Variants in REPS1 observed in about 807,000 individuals in gnomAD.
REPS1 encodes ralBP1-associated Eps domain-containing protein 1.
In REPS1, 39 loss-of-function variants were observed where a neutral mutation model predicts 100.9. The observed-to-expected ratio is 0.39, with a 90% CI of 0.30 to 0.50. REPS1 has a LOEUF of 0.50. Ranked by LOEUF, REPS1 falls within the 20% of genes least tolerant of loss-of-function variation. REPS1 has a pLI of 0.86. For missense variants in REPS1, 821 were observed against 968.5 expected, an observed-to-expected ratio of 0.85 and a Z score of 2.02; for synonymous variants, 324 against 340.3, an observed-to-expected ratio of 0.95 and a Z score of 0.53.
Position 138,947,031 on chromosome 6 carries a change from C to CCTTGCTCT in REPS1, c.277+751_277+758dup, listed in dbSNP as rs1177893228. Among the ~76,000 whole-genome samples the CCTTGCTCT allele has an allele frequency of 3.8e-5, 4 of 104,008 alleles. No individual in the cohort carries two copies. In the South Asian group the frequency reaches 1.2e-3, roughly 31 times the overall value. 68.2% of individuals were successfully genotyped at this position (104,008 alleles called of 152,430 possible). On this transcript the variant is annotated intron_variant, in intron 2 of 19. Transcript: ENST00000450536. ...GGTTTAAATGTCTGTGGCTATTCCCCCTTGCTCTCTCTCTCTCTCTCTCTC... is the reference window on the plus strand; with the variant it reads ...GGTTTAAATGTCTGTGGCTATTCCCCCTTGCTCTCTTGCTCTCTCTCTCTCTCTCTCTC...
At chr6:138,913,645 T>C (rs1308855490) in intron 15 of REPS1, among the ~76,000 whole-genome samples, 2 of 152,170 alleles carry the variant, frequency 1.3e-5, no homozygotes, top group Non-Finnish European at 2.9e-5. Flanking sequence ...AAATCTGAAG[T>C]CTCTTCCCTT....
chr6:138,949,693 T>C (rs573314685), intron 1 of REPS1, among the ~76,000 whole-genome samples: 2 of 151,190 alleles, frequency 1.3e-5, no homozygotes, highest in South Asian at 2.1e-4. Context: ...GCCACTGCCC[T>C]CCAGACTGGG....
chr6:138,906,143 G>C (rs1254372877), intron 19 of REPS1, among the ~76,000 whole-genome samples: 1 of 152,144 alleles, frequency 6.6e-6, no homozygotes. Flanking sequence ...TACTAAGCTT[G>C]TCTTTAAGTT....
chr6:138,948,968 G>C (rs568073669), intron 1 of REPS1, among the ~76,000 whole-genome samples: 4 of 152,140 alleles, frequency 2.6e-5, no homozygotes, highest in Non-Finnish European at 5.9e-5. Context: ...CTGCCACTAA[G>C]GAGCATGTCC....
rs535360114 is a variant in REPS1, at chr6:138,941,616, C to T, written c.981-127G>A. 2.6e-5 allele frequency: 23 copies of T among 883,856 alleles called. 1 individual carries two copies. The highest frequency in any genetic ancestry group is 5.1e-5 in the South Asian group (3 of 58,740). 54.8% of individuals were successfully genotyped at this position (883,856 alleles called of 1,614,324 possible). A position where few individuals can be genotyped will look rare whatever the true frequency, so the allele number is the denominator to read the frequency against. On this transcript the variant is annotated intron_variant, in intron 7 of 19. Transcript: ENST00000450536. ...ACTCAGTAATTATAAAAATCCCATA[C>T]ACAGAAAGATGTGTAATATAGCAAA...
intron 17 of REPS1, among the ~76,000 whole-genome samples, chr6:138,910,465 C>T (rs375998283): frequency 2.6e-5 from 4 of 152,156 alleles, no homozygotes; most frequent in African/African-American, 9.6e-5. Flanking sequence ...GCGATCCCCC[C>T]ACTTCAGCCT....
At chr6:138,953,983 A>ATTTCTTGGTATATATAT (rs1783210574) in intron 1 of REPS1, among the ~76,000 whole-genome samples, 1 of 152,226 alleles carries the variant, frequency 6.6e-6, no homozygotes, top group Non-Finnish European at 1.5e-5. Flanking sequence ...AATGTGCTAT[A>ATTTCTTGGTATATATAT]TAATATATAC....
At chr6:138,987,000 T>TA (rs1785297193) in intron 1 of REPS1, among the ~76,000 whole-genome samples, 1 of 152,220 alleles carries the variant, frequency 6.6e-6, no homozygotes, top group Non-Finnish European at 1.5e-5. Flanking sequence ...TGCCTACTTG[T>TA]AAAACTACTA....
intron 9 of REPS1, chr6:138,927,016 AAATAT>A (rs1276682982): frequency 6.6e-6 from 1 of 152,412 alleles, no homozygotes; most frequent in Non-Finnish European, 1.5e-5. Context: ...ATATTTAATA[AAATAT>A]AATTGAGATA....
chr6:138,916,382 G>A (rs372880510), intron 13 of REPS1, among the ~76,000 whole-genome samples: 24 of 151,598 alleles, frequency 1.6e-4, no homozygotes, highest in East Asian at 1.6e-3. Context: ...TACCATGCCC[G>A]GCTAATTTTT....
At chr6:138,947,936 C>A (rs1182494152) in intron 1 of REPS1, 23 bp from the exon 2 acceptor site, 1 of 1,547,268 alleles carries the variant, frequency 6.5e-7, no homozygotes, top group Admixed American at 2.2e-5. Context: ...ATAATGTTAA[C>A]ATTAAGATTC....
chr6:138,905,729 G>A (rs921308746), intron 19 of REPS1, among the ~76,000 whole-genome samples: 2 of 152,186 alleles, frequency 1.3e-5, no homozygotes, highest in Non-Finnish European at 1.5e-5. Context: ...ATTAACACCT[G>A]AATTTTGCAA....
rs569679118 is a variant in REPS1 at position 138,968,766 on chromosome 6, C to T, written c.153+18764G>A. 2.5e-4 allele frequency among the ~76,000 whole-genome samples: 38 copies of T among 152,276 alleles called. 1 individual carries two copies. The South Asian group carries it at 7.9e-3, about 32-fold the overall frequency. ...AATTTCAGCCAAACACCACTGTCTG[C>T]TAAATGTGCTTACAGCCACATCAAG... On this transcript the variant is annotated intron_variant, in intron 1 of 19. Transcript: ENST00000450536.
chr6:138,959,606 T>C (rs1562555600), intron 1 of REPS1, among the ~76,000 whole-genome samples: 1 of 152,190 alleles, frequency 6.6e-6, no homozygotes, highest in African/African-American at 2.4e-5. Context: ...GGGCATGCTA[T>C]GTTTTTTGGT....
chr6:138,953,679 AT>A lies in REPS1; in HGVS notation c.154-5767del, dbSNP rs1783184988. Among the ~76,000 whole-genome samples the A allele has an allele frequency of 7.1e-5, 6 of 84,846 alleles. No homozygotes were observed. In the South Asian group the frequency reaches 2.7e-3, roughly 38 times the overall value. 55.7% of individuals were successfully genotyped at this position (84,846 alleles called of 152,430 possible). On this transcript the variant is annotated intron_variant, in intron 1 of 19. Transcript: ENST00000450536. ...TCTCACCCCAGGGAGGCTGGCTATT[AT>A]CAAAAAAAAAAAAAAAAATGCTGGC...
At chr6:138,962,688 C>T (rs1352144507) in intron 1 of REPS1, among the ~76,000 whole-genome samples, 2 of 152,078 alleles carry the variant, frequency 1.3e-5, no homozygotes, top group Non-Finnish European at 2.9e-5. Flanking sequence ...CCTCTCCTGT[C>T]ATTCAGGTTT....
intron 10 of REPS1, among the ~76,000 whole-genome samples, chr6:138,923,531 A>T (rs1162943803): frequency 3.3e-5 from 5 of 152,246 alleles, no homozygotes; most frequent in Non-Finnish European, 5.9e-5. Context: ...CAGTGCAATC[A>T]ATCACAGCAA....
At chr6:138,979,737 A>G (rs1318304145) in intron 1 of REPS1, among the ~76,000 whole-genome samples, 2 of 152,174 alleles carry the variant, frequency 1.3e-5, no homozygotes, top group African/African-American at 4.8e-5. Context: ...TGTGCTTCCT[A>G]GCGTCCTTCC....
intron 1 of REPS1, among the ~76,000 whole-genome samples, chr6:138,973,653 C>A (rs928602401): frequency 2.7e-5 from 4 of 150,824 alleles, no homozygotes; most frequent in African/African-American, 9.8e-5. Flanking sequence ...ACTTAAATCC[C>A]AGCTCAATGA....
Sources: allele counts gnomAD v4.1 joint callset (sites outside exome capture counted in the v4.1 genomes callset), GRCh38; gene constraint gnomAD v4.1.1; transcripts MANE v1.5; gene names NCBI Gene and HGNC (gene_info 2026-07-23, HGNC 2026-07-21).